The following BRDT variants were observed in gnomAD, a reference collection of about 807,000 sequenced individuals.
BRDT encodes the protein bromodomain testis associated.
BRDT carries 77 observed loss-of-function variants against 113.9 expected under a neutral mutation model. The observed-to-expected ratio is 0.68, with a 90% confidence interval of 0.56 to 0.82. The LOEUF is 0.82. Among genes scored for constraint, BRDT ranks in the 40% least tolerant of loss-of-function variants. The pLI, the probability that BRDT is intolerant of heterozygous loss-of-function variation, is 0.00. For missense variants in BRDT, 1,027 were observed against 1,105.4 expected (o/e 0.93, Z 1.01); for synonymous variants, 358 against 366.5 (o/e 0.98, Z 0.26).
intron 14 of BRDT, among the ~76,000 whole-genome samples, chr1:91,993,208 T>A (rs1044572681): frequency 6.6e-6 from 1 of 152,202 alleles, no homozygotes; most frequent in Non-Finnish European, 1.5e-5. Context: ...TAGCATTTGT[T>A]TTATTCATAT....
chr1:92,008,697 C>G (rs529490275), intron 18 of BRDT, among the ~76,000 whole-genome samples: 1 of 152,300 alleles, frequency 6.6e-6, no homozygotes, highest in South Asian at 2.1e-4. Context: ...AACCACTGAT[C>G]TTTTTACTGT....
chr1:92,004,659 T>C (rs771705501), intron 17 of BRDT, 40 bp downstream of exon 17: 10 of 1,501,836 alleles, frequency 6.7e-6, no homozygotes, highest in South Asian at 2.6e-5. Flanking sequence ...TTGGGAGATA[T>C]AGAATGTATT....
intron 1 of BRDT, among the ~76,000 whole-genome samples, chr1:91,958,308 A>G (rs1004659225): frequency 6.8e-6 from 1 of 146,164 alleles, no homozygotes; most frequent in Non-Finnish European, 1.5e-5. Context: ...CTTTGTCTCC[A>G]GGGTTCAAGC....
intron 16 of BRDT, among the ~76,000 whole-genome samples, 194 bp downstream of exon 16, chr1:92,002,343 G>T (rs1413323871): frequency 6.6e-6 from 1 of 151,766 alleles, no homozygotes; most frequent in Non-Finnish European, 1.5e-5. Context: ...ACCTATCATT[G>T]GTCCTCTTGT....
chr1:91,968,814 G>A (rs1683327801), intron 4 of BRDT, among the ~76,000 whole-genome samples: 2 of 152,160 alleles, frequency 1.3e-5, no homozygotes, highest in Non-Finnish European at 2.9e-5. Context: ...AATCAAGAGT[G>A]TAGTAAATGT....
intron 15 of BRDT, among the ~76,000 whole-genome samples, chr1:92,000,428 C>T (rs769119847): frequency 1.3e-4 from 20 of 152,248 alleles, no homozygotes; most frequent in Non-Finnish European, 2.6e-4. Context: ...TGTGTACAGA[C>T]GTACAAATTA....
At chr1:91,980,453 G>A (rs1029922289) in intron 8 of BRDT, among the ~76,000 whole-genome samples, 190 bp from the exon 9 acceptor site, 1 of 152,184 alleles carries the variant, frequency 6.6e-6, no homozygotes, top group African/African-American at 2.4e-5. Context: ...GCACATGATA[G>A]TTTTTGTAAT....
At chr1:91,957,792 A>G (rs1681952876) in intron 1 of BRDT, among the ~76,000 whole-genome samples, 1 of 152,020 alleles carries the variant, frequency 6.6e-6, no homozygotes, top group Non-Finnish European at 1.5e-5. Context: ...AACCCCTAGC[A>G]ACTGCTGATC....
intron 15 of BRDT, among the ~76,000 whole-genome samples, chr1:91,996,796 AG>A (rs1427189548): frequency 6.6e-6 from 1 of 152,152 alleles, no homozygotes; most frequent in East Asian, 1.9e-4. Flanking sequence ...GATTGAAAAC[AG>A]GGGACAGAAC....
chr1:91,970,561 A>G lies in BRDT; in HGVS notation c.445+2301A>G, dbSNP rs1000684537. 2.0e-5 allele frequency among the ~76,000 whole-genome samples: 3 copies of G among 152,154 alleles called. No homozygotes were observed. The South Asian group carries it at 6.2e-4, about 31-fold the overall frequency. On this transcript the variant is annotated intron_variant, in intron 4 of 18. Coordinates refer to ENST00000399546, the MANE Select transcript of BRDT (RefSeq NM_207189.4). ...GGATTACAGGCGTGAGCCACCATGC[A>G]TGGCCAAGAGTGAGAAATTGATACG...
At chr1:91,952,393 T>C (rs1433860483) in intron 1 of BRDT, 2 of 152,206 alleles carry the variant, frequency 1.3e-5, no homozygotes, top group African/African-American at 4.8e-5. Context: ...TGAAGCTCTC[T>C]GGCTTCCTCT....
chr1:91,968,137 A>C lies in BRDT; in HGVS notation c.331-9A>C, dbSNP rs191694183. 1.2e-4 allele frequency: 198 copies of C among 1,613,404 alleles called. 2 individuals carry two copies. The Middle Eastern group carries it at 1.7e-3, about 13-fold the overall frequency. On this transcript the variant is annotated splice_polypyrimidine_tract_variant and intron_variant, in intron 3 of 18. Transcript: ENST00000399546. ...TATATCCTTATGGTATATTTAATAT[A>C]TTTTGTAGCCTGGAGATGACATTGT...
At position 91,977,234 on chromosome 1, in the gene BRDT, T is replaced by G; in HGVS notation, c.810T>G (p.Thr270=). 1 of 1,614,048 alleles carries G rather than the reference T, an allele frequency of 6.2e-7. No homozygotes were observed. Among genetic ancestry groups the G allele is most frequent in the Non-Finnish European group, 8.5e-7 (1 of 1,179,974 alleles). The part of the protein sequence containing the change: ...QYNVVKTVKV[T]EQLRHCSEIL... ...ATGTTGTGAAGACTGTTAAAGTAAC[T>G]GAACAATTAAGGCACTGTAGTGAGA... The change falls in exon 6 of 19, where the codon ACT becomes ACG. Residue 270 remains threonine, a synonymous_variant. Transcript: ENST00000399546.
chr1:91,973,498 A>T (rs975669564), intron 4 of BRDT, among the ~76,000 whole-genome samples: 2 of 152,076 alleles, frequency 1.3e-5, no homozygotes, highest in African/African-American at 4.8e-5. Flanking sequence ...GGTCCTTCAC[A>T]TCCCTTGTAA....
At chr1:91,986,504 A>C (rs915254637) in intron 12 of BRDT, among the ~76,000 whole-genome samples, 1 of 152,226 alleles carries the variant, frequency 6.6e-6, no homozygotes, top group Non-Finnish European at 1.5e-5. Context: ...AATGGTCATG[A>C]CATCAGTTCA....
intron 12 of BRDT, among the ~76,000 whole-genome samples, chr1:91,988,473 T>G (rs527644306): frequency 6.6e-6 from 1 of 152,222 alleles, no homozygotes; most frequent in Non-Finnish European, 1.5e-5. Flanking sequence ...CCATCTTGGT[T>G]CACTGAAACC....
chr1:91,956,815 T>C (rs988921954), intron 1 of BRDT, among the ~76,000 whole-genome samples: 4 of 152,120 alleles, frequency 2.6e-5, no homozygotes, highest in Non-Finnish European at 4.4e-5. Flanking sequence ...TGGTGATATG[T>C]ACCTGTAGTC....
intron 1 of BRDT, among the ~76,000 whole-genome samples, chr1:91,953,538 G>C (rs1416085018): frequency 6.6e-6 from 1 of 152,128 alleles, no homozygotes; most frequent in Non-Finnish European, 1.5e-5. Flanking sequence ...AAATTAGCCA[G>C]GTATGATGGC....
At position 91,980,829 on chromosome 1, in the gene BRDT, A is replaced by G; in HGVS notation, c.1460+14A>G. 1.3e-6 allele frequency: 2 copies of G among 1,590,368 alleles called. No homozygotes were observed. Among genetic ancestry groups the G allele is most frequent in the South Asian group, 1.2e-5 (1 of 85,340 alleles). ...GTCCAAGAGAAAGTAAGTATCTTTT[A>G]TTATGATAGCTTATTAAGACAATAA... is the stretch of plus-strand genomic sequence containing the variant. On this transcript the variant is annotated intron_variant, in intron 9 of 18. Coordinates refer to ENST00000399546, the MANE Select transcript of BRDT (RefSeq NM_207189.4).
Sources: gnomAD v4.1 joint callset for allele counts (sites outside exome capture counted in the v4.1 genomes callset) on GRCh38, gnomAD v4.1.1 for gene constraint, MANE v1.5 for transcripts, NCBI Gene and HGNC (gene_info 2026-07-23, HGNC 2026-07-21) for gene names.